Variants in MYO18B observed in about 807,000 individuals in gnomAD.
The protein encoded by MYO18B is myosin XVIIIB.
MYO18B carries 204 observed loss-of-function variants against 273.0 expected under a neutral mutation model. The observed-to-expected ratio is 0.75, with a 90% CI of 0.67 to 0.84. The LOEUF (loss-of-function observed/expected upper bound fraction) is 0.84, where lower values mean the gene tolerates loss of function less well. Among genes scored for constraint, MYO18B ranks in the 40% least tolerant of loss-of-function variants. The pLI is 0.00. For synonymous variants in MYO18B, 1,330 were observed against 1,305.7 expected, an observed-to-expected ratio of 1.02 and a Z score of -0.40; for missense variants, 3,212 against 3,287.6, an observed-to-expected ratio of 0.98 and a Z score of 0.56.
chr22:26,015,465 C>T (rs1935249403), intron 42 of MYO18B, among the ~76,000 whole-genome samples: 1 of 152,112 alleles, frequency 6.6e-6, no homozygotes, highest in Non-Finnish European at 1.5e-5. Context: ...GAATACTATG[C>T]AGCCATAAAA....
chr22:26,026,703 G>A lies in MYO18B; in HGVS notation c.6729G>A (p.Leu2243=), dbSNP rs1419407902. The A allele has an allele frequency of 1.9e-6, 3 of 1,613,718 alleles. No individual in the cohort carries two copies. The African/African-American group carries it at 4.0e-5, about 22-fold the overall frequency. ...TNTSPLSREK[L]PSPSAALSEF... The stretch of plus-strand genomic sequence containing the variant: ...CATCCCCGCTGTCGAGGGAAAAGCT[G>A]CCCAGTCCTTCAGCGGCCCTCTCGG... Residue 2243 remains leucine, a synonymous_variant, in exon 43 of 44, where the codon CTG becomes CTA. Transcript: ENST00000335473.
Position 25,769,314 on chromosome 22 carries a change from C to T in MYO18B, c.1398C>T (p.Pro466=). The change falls in exon 4 of 44, where the codon CCC becomes CCT. Residue 466 remains proline (P), a synonymous_variant. Coordinates refer to ENST00000335473, the MANE Select transcript of MYO18B (RefSeq NM_032608.7). ...CCCTGGAGACAGAGCTGGAAGGACC[C>T]AGCCAGCCTGCTCTGGAGAAGGATG... is the stretch of plus-strand genomic sequence containing the variant. ...AGALETELEG[P]SQPALEKDAE... is the part of the protein sequence containing the mutation. 1 of 1,579,146 alleles carries T rather than the reference C, an allele frequency of 6.3e-7. No individual in the cohort carries two copies. Among genetic ancestry groups the T allele is most frequent in the Non-Finnish European group, 8.6e-7 (1 of 1,163,186 alleles).
At position 25,851,596 on chromosome 22, in the gene MYO18B, C is replaced by T. The variant is rs781271321; in HGVS notation, c.3885+17C>T. ...GAAAGGAAGGTAGGTGGAGCACATG[C>T]GAGAGGGGTGAAGGCCCTAGATATG... On this transcript the variant is annotated intron_variant, in intron 21 of 43. Transcript: ENST00000335473. 24 of 1,508,668 alleles carry T rather than the reference C, an allele frequency of 1.6e-5. No individual in the cohort carries two copies. The highest frequency in any genetic ancestry group is 1.7e-4 in the Middle Eastern group (1 of 5,950). The allele number at this position is 1,508,668 out of a possible 1,614,324, so 93.5% of individuals were successfully genotyped here.
rs577371584 is a variant in MYO18B at position 25,938,727 on chromosome 22, G to A, written c.5518-7410G>A. Reference sequence around the variant, plus strand: ...GGGTAAGGATCCATACACAGAACAGGTAAACAGTAAATAATTGTTACTCTG... The same window carrying A: ...GGGTAAGGATCCATACACAGAACAGATAAACAGTAAATAATTGTTACTCTG... On this transcript the variant is annotated intron_variant, in intron 34 of 43. Coordinates refer to ENST00000335473, the MANE Select transcript of MYO18B (RefSeq NM_032608.7). Among the ~76,000 whole-genome samples, 24 of 152,320 alleles carry A rather than the reference G, an allele frequency of 1.6e-4. No homozygotes were observed. The South Asian group carries it at 5.0e-3, about 32-fold the overall frequency.
In MYO18B at chr22:25,781,826, G is replaced by A; in HGVS notation, c.2304G>A (p.Leu768=). 6.4e-7 allele frequency: 1 copy of A among 1,573,314 alleles called. No homozygotes were observed. ...VFSQMLAGLD[L]DLRTELNLHQ... is the part of the protein sequence containing the mutation. ...CCCAGATGCTGGCTGGATTGGACTT[G>A]GATCTCAGGTGAGCACTTGGGGCAG... The change falls in exon 10 of 44, where the codon TTG becomes TTA. Residue 768 remains leucine, a synonymous_variant. Coordinates refer to ENST00000335473, the MANE Select transcript of MYO18B (RefSeq NM_032608.7).
intron 42 of MYO18B, among the ~76,000 whole-genome samples, chr22:26,005,503 AC>A (rs771486082): frequency 6.6e-6 from 1 of 152,168 alleles, no homozygotes; most frequent in Admixed American, 6.5e-5. Flanking sequence ...CTTTGGATTC[AC>A]CCTTAGTTGC....
intron 11 of MYO18B, among the ~76,000 whole-genome samples, chr22:25,796,891 C>T (rs142769623): frequency 3.0e-4 from 45 of 152,330 alleles, no homozygotes; most frequent in African/African-American, 1.0e-3. Context: ...GCTGGCTTCT[C>T]CAGCTTTATC....
In MYO18B at chr22:25,813,149, T is replaced by C. The variant is rs1051434831; in HGVS notation, c.2522-10356T>C. ...CTTCCCTCTCCCTCCTCCTCCTCCTTCTTCCTTCTCCTCCTCTTCTTCCTC... is the reference window on the plus strand; with the variant it reads ...CTTCCCTCTCCCTCCTCCTCCTCCTCCTTCCTTCTCCTCCTCTTCTTCCTC... On this transcript the variant is annotated intron_variant, in intron 12 of 43. Transcript: ENST00000335473. Among the ~76,000 whole-genome samples the C allele has an allele frequency of 4.8e-5, 7 of 147,146 alleles. No homozygotes were observed. In the South Asian group the frequency reaches 7.0e-4, roughly 15 times the overall value.
chr22:25,989,055 T>C (rs2093232669), intron 39 of MYO18B, among the ~76,000 whole-genome samples: 1 of 152,134 alleles, frequency 6.6e-6, no homozygotes, highest in Non-Finnish European at 1.5e-5. Context: ...TTTCTGTCTC[T>C]CTCCTCTACC....
At chr22:25,784,354 A>C (rs1436557991) in intron 10 of MYO18B, among the ~76,000 whole-genome samples, 3 of 152,256 alleles carry the variant, frequency 2.0e-5, no homozygotes, top group Non-Finnish European at 2.9e-5. Context: ...CCAGCCTGGC[A>C]GTGTGAGTTT....
intron 34 of MYO18B, among the ~76,000 whole-genome samples, chr22:25,932,827 A>AT (rs61435665): frequency 4.5e-4 from 68 of 149,724 alleles, no homozygotes; most frequent in East Asian, 2.2e-3. Flanking sequence ...TGAGCAAAGA[A>AT]TTTTTTTTTT....
intron 39 of MYO18B, among the ~76,000 whole-genome samples, chr22:25,980,793 G>A (rs2093141376): frequency 6.6e-6 from 1 of 152,106 alleles, no homozygotes; most frequent in African/African-American, 2.4e-5. Flanking sequence ...TTTTAGGGGA[G>A]GTATAACAAA....
chr22:25,996,460 A>G (rs779246614), intron 40 of MYO18B, among the ~76,000 whole-genome samples: 21 of 152,152 alleles, frequency 1.4e-4, no homozygotes, highest in Non-Finnish European at 2.8e-4. Flanking sequence ...AATGTTTGGA[A>G]CTGTGTCTAA....
At chr22:25,785,957 G>A (rs1411235107) in intron 11 of MYO18B, among the ~76,000 whole-genome samples, 1 of 152,150 alleles carries the variant, frequency 6.6e-6, no homozygotes, top group Non-Finnish European at 1.5e-5. Context: ...ACTAGTGGTG[G>A]TTAACTTGGG....
intron 39 of MYO18B, among the ~76,000 whole-genome samples, chr22:25,960,902 C>T (rs1197727837): frequency 6.6e-6 from 1 of 152,050 alleles, no homozygotes; most frequent in Non-Finnish European, 1.5e-5. Context: ...ATAATCCTAG[C>T]ACTTTGGGAG....
At chr22:26,019,092 T>G (rs1163391472) in intron 42 of MYO18B, among the ~76,000 whole-genome samples, 1 of 152,252 alleles carries the variant, frequency 6.6e-6, no homozygotes, top group African/African-American at 2.4e-5. Context: ...TTCTCCATGG[T>G]TTTTTTCCAG....
intron 31 of MYO18B, among the ~76,000 whole-genome samples, chr22:25,905,894 G>A (rs982455899): frequency 2.0e-5 from 3 of 152,210 alleles, no homozygotes; most frequent in Non-Finnish European, 4.4e-5. Flanking sequence ...GCACCCCAGT[G>A]TTCCTTGTGT....
rs372810855 is a variant in MYO18B at position 25,818,117 on chromosome 22, T to C, written c.2522-5388T>C. 1.2e-4 allele frequency among the ~76,000 whole-genome samples: 18 copies of C among 152,336 alleles called. No homozygotes were observed. In the East Asian group the frequency reaches 1.4e-3, roughly 11 times the overall value. On this transcript the variant is annotated intron_variant, in intron 12 of 43. Transcript: ENST00000335473. ...TTCCTTGTCTCCTAATCTCCTTGCC[T>C]CCTGGTGGGTGGAGAGAAAAGTACC...
rs74682266 is a variant in MYO18B, at chr22:25,800,854, G to A, written c.2521+2757G>A. ...ATCACATCAGTGCATCTGATGATAA[G>A]AGAAAGTCACTTTTATAAATATTTT... On this transcript the variant is annotated intron_variant, in intron 12 of 43. Transcript: ENST00000335473. 5.8e-3 allele frequency among the ~76,000 whole-genome samples: 888 copies of A among 152,340 alleles called. 9 individuals carry two copies. Among genetic ancestry groups the A allele is most frequent in the African/African-American group, 0.019 (798 of 41,580 alleles).
Sources: gnomAD v4.1 joint callset for allele counts (sites outside exome capture counted in the v4.1 genomes callset) on GRCh38, gnomAD v4.1.1 for gene constraint, MANE v1.5 for transcripts, NCBI Gene and HGNC (gene_info 2026-07-23, HGNC 2026-07-21) for gene names.